RASSF4: variants seen among roughly 807,000 people sequenced by gnomAD.
RASSF4 encodes ras association domain-containing protein 4.
A neutral mutation model predicts 41.1 loss-of-function variants in RASSF4; 38 were observed. That is an observed-to-expected ratio of 0.92 (90% confidence interval 0.71 to 1.21). The LOEUF (loss-of-function observed/expected upper bound fraction) is 1.21, where lower values mean the gene tolerates loss of function less well. Ranked by LOEUF, RASSF4 falls within the 50% of genes most tolerant of loss-of-function variation. The pLI is 0.00. For missense variants in RASSF4, 414 were observed against 419.4 expected, an observed-to-expected ratio of 0.99 and a Z score of 0.11; for synonymous variants, 179 against 163.4, an observed-to-expected ratio of 1.10 and a Z score of -0.73.
rs1588854717 is a variant in RASSF4 at position 44,993,443 on chromosome 10, T to C, written c.*114T>C. On this transcript the variant is annotated 3_prime_UTR_variant, in exon 11 of 11. Transcript: ENST00000340258. ...GATGGCCACCGCCTGACGAATCGAGTGCCTGTGTGTCTACCTCTCTGAAGC... is the reference window on the plus strand; with the variant it reads ...GATGGCCACCGCCTGACGAATCGAGCGCCTGTGTGTCTACCTCTCTGAAGC... 1 of 755,510 alleles carries C rather than the reference T, an allele frequency of 1.3e-6. No individual in the cohort carries two copies. Among genetic ancestry groups the C allele is most frequent in the Admixed American group, 2.2e-5 (1 of 46,412 alleles). The allele number at this position is 755,510 out of a possible 1,614,324, so 46.8% of individuals were successfully genotyped here. A position where few individuals can be genotyped will look rare whatever the true frequency, so the allele number is the denominator to read the frequency against.
At chr10:44,978,018 GC>G in intron 3 of RASSF4, 1 of 1,609,378 alleles carries the variant, frequency 6.2e-7, no homozygotes, top group South Asian at 1.1e-5. Context: ...GAGAGCAGAA[GC>G]CGGGACCTCA....
At chr10:44,963,654 C>T (rs10900147) in intron 1 of RASSF4, among the ~76,000 whole-genome samples, 56,757 of 152,136 alleles carry the variant, frequency 0.37, 12,001 homozygotes, top group Non-Finnish European at 0.47. Flanking sequence ...ACACACTTGT[C>T]CTCCTTTCTT....
At chr10:44,974,053 A>G (rs946391269) in intron 3 of RASSF4, among the ~76,000 whole-genome samples, 1 of 152,208 alleles carries the variant, frequency 6.6e-6, no homozygotes, top group Non-Finnish European at 1.5e-5. Flanking sequence ...CTGGGTCGCA[A>G]TTACCACATA....
intron 9 of RASSF4, 58 bp downstream of exon 9, chr10:44,991,127 G>A (rs3814568): frequency 0.05 from 76,697 of 1,527,448 alleles, 2,845 homozygotes; most frequent in South Asian, 0.15. Flanking sequence ...CTTGGGTGAC[G>A]GGGCCTCCCA....
intron 3 of RASSF4, chr10:44,976,643 G>C (rs531320864): frequency 3.9e-4 from 59 of 152,646 alleles, no homozygotes; most frequent in Non-Finnish European, 6.3e-4. Context: ...CAGCTGGACA[G>C]TGCCCTGCTC....
At chr10:44,991,099 G>C (rs1842093210) in intron 9 of RASSF4, 30 bp downstream of exon 9, 1 of 1,594,718 alleles carries the variant, frequency 6.3e-7, no homozygotes, top group Non-Finnish European at 8.6e-7. Flanking sequence ...GGGGAGGCCT[G>C]CTCTAGGGTG....
chr10:44,983,157 A>G (rs539204542), intron 4 of RASSF4: 6 of 360,598 alleles, frequency 1.7e-5, no homozygotes, highest in East Asian at 7.4e-5. Context: ...TTACCATTCA[A>G]TGCACATTTA....
At position 44,974,622 on chromosome 10, in the gene RASSF4, A is replaced by ACCC. The variant is rs5784663; in HGVS notation, c.138+2779_138+2781dup. Among the ~76,000 whole-genome samples the ACCC allele has an allele frequency of 7.2e-3, 1,087 of 151,628 alleles. 7 individuals carry two copies. Among genetic ancestry groups the ACCC allele is most frequent in the East Asian group, 0.029 (149 of 5,068 alleles). On this transcript the variant is annotated intron_variant, in intron 3 of 10. Transcript: ENST00000340258. ...GCGCTCCCAGAGCCGCCTGAAAGAG[A>ACCC]CCCCCCCGTGTTGTCACTGCCCCTC...
At chr10:44,964,121 C>T (rs1184921114) in intron 1 of RASSF4, among the ~76,000 whole-genome samples, 1 of 152,268 alleles carries the variant, frequency 6.6e-6, no homozygotes, top group East Asian at 1.9e-4. Context: ...CTAAAGCCCT[C>T]GGCGGCCTTT....
chr10:44,981,858 C>T (rs1313122393), intron 3 of RASSF4: 1 of 152,720 alleles, frequency 6.5e-6, no homozygotes, highest in African/African-American at 2.4e-5. Flanking sequence ...GGAGAGAAGC[C>T]ATGTCACCTG....
At chr10:44,978,500 A>G (rs1841551933) in intron 3 of RASSF4, 1 of 155,010 alleles carries the variant, frequency 6.5e-6, no homozygotes, top group Admixed American at 6.5e-5. Context: ...CCCTCTACAG[A>G]CAGCCCTGGT....
At chr10:44,963,316 T>G (rs1413115368) in intron 1 of RASSF4, among the ~76,000 whole-genome samples, 1 of 152,086 alleles carries the variant, frequency 6.6e-6, no homozygotes, top group Non-Finnish European at 1.5e-5. Flanking sequence ...GCCTGCCATC[T>G]ACAACCAGAC....
chr10:44,992,462 C>T (rs1239787184), intron 10 of RASSF4, among the ~76,000 whole-genome samples: 1 of 152,160 alleles, frequency 6.6e-6, no homozygotes, highest in African/African-American at 2.4e-5. Flanking sequence ...CAGCCTCAGC[C>T]GATGTTTTCA....
intron 3 of RASSF4, chr10:44,977,586 TG>T (rs1169225229): frequency 1.2e-6 from 2 of 1,613,298 alleles, no homozygotes; most frequent in East Asian, 4.5e-5. Context: ...AGCCTCCCTC[TG>T]GGGGCCCCCA....
chr10:44,982,582 T>A lies in RASSF4; in HGVS notation c.200T>A (p.Ile67Asn). ...LNIAWGLRRP[I>N]RLQMQDDREQ... is the part of the protein sequence containing the mutation. ...ATTGCCTGGGGGCTGAGGCGGCCCA[T>A]CCGGCTGCAGATGCAGGATGACCGG... is the stretch of plus-strand genomic sequence containing the variant. The change falls in exon 4 of 11, where the codon ATC (isoleucine) becomes AAC (asparagine). Residue 67 changes from isoleucine (I) to asparagine (N), a missense_variant. By Grantham distance (149) the Ile-to-Asn change is moderately radical. Transcript: ENST00000340258. 1 of 1,612,786 alleles carries A rather than the reference T, an allele frequency of 6.2e-7. No individual in the cohort carries two copies.
At chr10:44,967,299 G>A (rs1840938878) in intron 1 of RASSF4, among the ~76,000 whole-genome samples, 3 of 152,174 alleles carry the variant, frequency 2.0e-5, no homozygotes, top group South Asian at 4.1e-4. Flanking sequence ...AAAGCTGCTG[G>A]CCTGGAAGGG....
intron 3 of RASSF4, chr10:44,982,142 T>C: frequency 3.5e-6 from 1 of 284,418 alleles, no homozygotes; most frequent in Non-Finnish European, 6.7e-6. Context: ...CAGGACCCCC[T>C]CCCAGGTGCA....
chr10:44,973,127 C>T (rs1362390868), intron 3 of RASSF4, among the ~76,000 whole-genome samples: 1 of 152,226 alleles, frequency 6.6e-6, no homozygotes, highest in Non-Finnish European at 1.5e-5. Context: ...CCTGCCCAGG[C>T]TGCGAGGCCC....
At chr10:44,992,519 C>G (rs1471191417) in intron 10 of RASSF4, among the ~76,000 whole-genome samples, 2 of 152,222 alleles carry the variant, frequency 1.3e-5, no homozygotes, top group Admixed American at 6.5e-5. Context: ...TCTCACCTGC[C>G]AGCTCCTGGG....
Sources: allele counts gnomAD v4.1 joint callset (sites outside exome capture counted in the v4.1 genomes callset), GRCh38; gene constraint gnomAD v4.1.1; transcripts MANE v1.5; gene names NCBI Gene and HGNC (gene_info 2026-07-23, HGNC 2026-07-21).